KCNMB2: variants seen among roughly 807,000 people sequenced by gnomAD.
KCNMB2 encodes the protein potassium calcium-activated channel subfamily M regulatory beta subunit 2, also known as calcium-activated potassium channel subunit beta-2.
In KCNMB2, 9 loss-of-function variants were observed where a neutral mutation model predicts 24.5. The ratio of observed to expected loss-of-function variants is 0.37; its 90% CI spans 0.22 to 0.64. The LOEUF is 0.64. Ranked by LOEUF, KCNMB2 falls within the 30% of genes least tolerant of loss-of-function variation. The pLI, the probability that KCNMB2 is intolerant of heterozygous loss-of-function variation, is 0.63. For missense variants in KCNMB2, 226 were observed against 284.3 expected (o/e 0.79, Z 1.47); for synonymous variants, 109 against 104.4 (o/e 1.04, Z -0.27).
At chr3:178,798,121 G>C (rs761775272) in intron 1 of KCNMB2, among the ~76,000 whole-genome samples, 13 of 152,066 alleles carry the variant, frequency 8.5e-5, no homozygotes, top group Non-Finnish European at 5.9e-5. Flanking sequence ...TTTGAATACG[G>C]TTTATTTCTT....
intron 1 of KCNMB2, among the ~76,000 whole-genome samples, chr3:178,744,880 T>C (rs772725198): frequency 1.3e-5 from 2 of 152,176 alleles, no homozygotes; most frequent in African/African-American, 2.4e-5. Flanking sequence ...TTCTTGCTGC[T>C]ACTCATCAAT....
intron 1 of KCNMB2, among the ~76,000 whole-genome samples, chr3:178,551,271 T>G (rs930828076): frequency 6.6e-6 from 1 of 152,188 alleles, no homozygotes; most frequent in Admixed American, 6.5e-5. Context: ...GATTACACAT[T>G]GAATTCACTC....
intron 2 of KCNMB2, among the ~76,000 whole-genome samples, chr3:178,821,103 C>T (rs1034885036): frequency 6.6e-6 from 1 of 152,228 alleles, no homozygotes; most frequent in African/African-American, 2.4e-5. Flanking sequence ...CTCCTGAGCT[C>T]TCCACATCAG....
chr3:178,723,910 T>C (rs972110445), intron 1 of KCNMB2, among the ~76,000 whole-genome samples: 1 of 152,196 alleles, frequency 6.6e-6, no homozygotes, highest in Non-Finnish European at 1.5e-5. Flanking sequence ...GTTGAATCTA[T>C]GTCTTTGCTA....
In KCNMB2 at chr3:178,649,085, C is replaced by T. The variant is rs1184022579; in HGVS notation, c.-68+112374C>T. ...GCCATTTCTTACAGATTTGTAATTC[C>T]CTATATGATTTAGATGTTAGTTTCC... is the stretch of plus-strand genomic sequence containing the variant. On this transcript the variant is annotated intron_variant, in intron 1 of 4. Coordinates refer to ENST00000452583, the MANE Select transcript of KCNMB2 (RefSeq NM_181361.3). Among the ~76,000 whole-genome samples the T allele has an allele frequency of 3.3e-5, 5 of 152,002 alleles. 1 individual carries two copies. Among genetic ancestry groups the T allele is most frequent in the Non-Finnish European group, 7.4e-5 (5 of 67,980 alleles).
At chr3:178,661,776 A>G (rs1463792219) in intron 1 of KCNMB2, among the ~76,000 whole-genome samples, 1 of 152,176 alleles carries the variant, frequency 6.6e-6, no homozygotes, top group Non-Finnish European at 1.5e-5. Flanking sequence ...TTTTAACAAG[A>G]TTCTCCAGAA....
intron 1 of KCNMB2, among the ~76,000 whole-genome samples, chr3:178,664,826 C>T (rs1720662087): frequency 6.6e-6 from 1 of 152,008 alleles, no homozygotes; most frequent in South Asian, 2.1e-4. Context: ...GTTCTATTGA[C>T]ATAATTATAA....
intron 1 of KCNMB2, among the ~76,000 whole-genome samples, chr3:178,735,743 T>G (rs1012992451): frequency 1.3e-5 from 2 of 152,218 alleles, no homozygotes; most frequent in Non-Finnish European, 2.9e-5. Context: ...TGGTTATTGT[T>G]ACATCTCAAA....
intron 1 of KCNMB2, among the ~76,000 whole-genome samples, chr3:178,772,332 T>A (rs765620551): frequency 6.6e-5 from 10 of 152,194 alleles, no homozygotes; most frequent in Non-Finnish European, 1.0e-4. Context: ...CCCAACCAAA[T>A]CTCATCTTGA....
intron 1 of KCNMB2, among the ~76,000 whole-genome samples, chr3:178,571,445 T>C (rs1577018871): frequency 9.3e-6 from 1 of 107,478 alleles, no homozygotes; most frequent in African/African-American, 3.8e-5. Flanking sequence ...CTTTTCCTTA[T>C]GGATATATAT....
intron 1 of KCNMB2, among the ~76,000 whole-genome samples, chr3:178,702,049 T>C (rs894409536): frequency 4.0e-5 from 6 of 151,880 alleles, no homozygotes; most frequent in African/African-American, 1.5e-4. Context: ...CCATCAATGA[T>C]AGACTGGATT....
chr3:178,655,775 T>C lies in KCNMB2; in HGVS notation c.-68+119064T>C, dbSNP rs191816114. Reference sequence around the variant, plus strand: ...CCTGCCACACTTCTAAGCAGACAAATTGGTCTTCTGAGGATTTCCCCAAAG... The same window carrying C: ...CCTGCCACACTTCTAAGCAGACAAACTGGTCTTCTGAGGATTTCCCCAAAG... On this transcript the variant is annotated intron_variant, in intron 1 of 4. Transcript: ENST00000452583. 7.2e-5 allele frequency among the ~76,000 whole-genome samples: 11 copies of C among 152,304 alleles called. No individual in the cohort carries two copies. The East Asian group carries it at 1.9e-3, about 27-fold the overall frequency.
At chr3:178,834,263 G>A (rs1715146175) in intron 4 of KCNMB2, among the ~76,000 whole-genome samples, 1 of 152,122 alleles carries the variant, frequency 6.6e-6, no homozygotes, top group African/African-American at 2.4e-5. Context: ...TAATGAAGGT[G>A]AGCTCAGAAT....
chr3:178,663,195 A>C (rs1286387871), intron 1 of KCNMB2, among the ~76,000 whole-genome samples: 2 of 152,134 alleles, frequency 1.3e-5, no homozygotes, highest in African/African-American at 4.8e-5. Flanking sequence ...GGCAAGCCTC[A>C]GTGAATAAGC....
intron 1 of KCNMB2, among the ~76,000 whole-genome samples, chr3:178,736,666 G>A (rs1049522100): frequency 1.3e-5 from 2 of 152,230 alleles, no homozygotes; most frequent in Admixed American, 1.3e-4. Flanking sequence ...AGACCCCAAA[G>A]GCTCCTAATG....
At chr3:178,603,388 T>G (rs1718161378) in intron 1 of KCNMB2, among the ~76,000 whole-genome samples, 2 of 151,498 alleles carry the variant, frequency 1.3e-5, no homozygotes, top group South Asian at 4.2e-4. Context: ...GCTGTAGAAA[T>G]AGCCCAGAGA....
intron 1 of KCNMB2, among the ~76,000 whole-genome samples, chr3:178,804,730 T>C (rs1713898746): frequency 1.3e-5 from 2 of 152,234 alleles, no homozygotes. Flanking sequence ...TATTAAATGC[T>C]GCCTAATAGC....
chr3:178,672,413 C>T (rs1720930987), intron 1 of KCNMB2, among the ~76,000 whole-genome samples: 1 of 152,180 alleles, frequency 6.6e-6, no homozygotes, highest in African/African-American at 2.4e-5. Flanking sequence ...TCAGTGTTCT[C>T]AACCACTGTA....
At chr3:178,793,936 A>C (rs9852402) in intron 1 of KCNMB2, among the ~76,000 whole-genome samples, 25,356 of 152,004 alleles carry the variant, frequency 0.17, 2,461 homozygotes, top group Middle Eastern at 0.26. Flanking sequence ...ACAAGCAGAG[A>C]CCTTTCTGCA....
Sources: gnomAD v4.1 joint callset for allele counts (sites outside exome capture counted in the v4.1 genomes callset) on GRCh38, gnomAD v4.1.1 for gene constraint, MANE v1.5 for transcripts, NCBI Gene and HGNC (gene_info 2026-07-23, HGNC 2026-07-21) for gene names.